SASH1: variants seen among roughly 807,000 people sequenced by gnomAD.
SASH1 encodes the protein SAM and SH3 domain containing 1.
A neutral mutation model predicts 125.2 loss-of-function variants in SASH1; 44 were observed. The observed-to-expected ratio is 0.35, with a 90% confidence interval of 0.28 to 0.45. The LOEUF (loss-of-function observed/expected upper bound fraction) is 0.45. Ranked by LOEUF, SASH1 falls within the 20% of genes least tolerant of loss-of-function variation. The pLI is 1.00. For synonymous variants in SASH1, 639 were observed against 649.1 expected (o/e 0.98, Z 0.24); for missense variants, 1,426 against 1,614.5 (o/e 0.88, Z 2.00).
chr6:148,205,484 T>C, the SASH1 span, among the ~76,000 whole-genome samples: 2 of 152,224 alleles, frequency 1.3e-5, no homozygotes, highest in Non-Finnish European at 2.9e-5. Flanking sequence ...CACTTCTGTG[T>C]TTCTTATCAT....
At chr6:148,350,349 A>ATT (rs1459717357) in intron 1 of SASH1, among the ~76,000 whole-genome samples, 6 of 152,218 alleles carry the variant, frequency 3.9e-5, no homozygotes, top group Admixed American at 1.3e-4. Context: ...AAATATTTGT[A>ATT]TACCTGTCTC....
At chr6:148,464,828 A>G (rs1238859732) in intron 4 of SASH1, among the ~76,000 whole-genome samples, 5 of 152,100 alleles carry the variant, frequency 3.3e-5, no homozygotes, top group African/African-American at 1.2e-4. Flanking sequence ...CTTATGAAAC[A>G]TGGGCTTGTT....
At chr6:148,232,589 C>A in the SASH1 span, among the ~76,000 whole-genome samples, 1 of 152,178 alleles carries the variant, frequency 6.6e-6, no homozygotes, top group African/African-American at 2.4e-5. Flanking sequence ...TGCAACTATG[C>A]AGAAGACAAT....
At chr6:148,322,732 G>GTCTC (rs773325585) in intron 1 of SASH1, among the ~76,000 whole-genome samples, 1 of 151,794 alleles carries the variant, frequency 6.6e-6, no homozygotes, top group Non-Finnish European at 1.5e-5. Context: ...TCTAGAACCA[G>GTCTC]TCTCTCTCTC....
intron 7 of SASH1, among the ~76,000 whole-genome samples, chr6:148,486,817 C>T (rs556731729): frequency 4.4e-4 from 65 of 147,272 alleles, no homozygotes; most frequent in African/African-American, 1.4e-3. Flanking sequence ...CCAAGCTACC[C>T]GGGATGCTGG....
chr6:148,334,761 G>A (rs1582979474), intron 1 of SASH1, among the ~76,000 whole-genome samples: 1 of 151,544 alleles, frequency 6.6e-6, no homozygotes, highest in African/African-American at 2.4e-5. Flanking sequence ...GCAGTGAGCC[G>A]AGATCGCACC....
At chr6:148,197,374 A>G in the SASH1 span, among the ~76,000 whole-genome samples, 1 of 152,204 alleles carries the variant, frequency 6.6e-6, no homozygotes, top group Non-Finnish European at 1.5e-5. Context: ...ACAACAGTCT[A>G]TTTTTGCTCA....
chr6:148,270,260 C>G (rs1779030595), upstream of SASH1, among the ~76,000 whole-genome samples: 2 of 152,220 alleles, frequency 1.3e-5, no homozygotes, highest in Non-Finnish European at 2.9e-5. Context: ...TAAGCCGGTG[C>G]TCTTTTACCA....
intron 2 of SASH1, among the ~76,000 whole-genome samples, chr6:148,436,821 G>T (rs1197191087): frequency 2.0e-5 from 3 of 152,224 alleles, no homozygotes; most frequent in African/African-American, 7.2e-5. Context: ...AACATCATAA[G>T]GTGCTTGTTG....
At chr6:148,358,343 C>T (rs1023304432) in intron 1 of SASH1, among the ~76,000 whole-genome samples, 3 of 152,170 alleles carry the variant, frequency 2.0e-5, no homozygotes, top group Non-Finnish European at 2.9e-5. Context: ...TTGAATCTTG[C>T]ATTTGCTGGT....
At chr6:148,545,231 G>T (rs1346683945) in intron 18 of SASH1, among the ~76,000 whole-genome samples, 1 of 152,088 alleles carries the variant, frequency 6.6e-6, no homozygotes, top group African/African-American at 2.4e-5. Context: ...CAAAAAAAAT[G>T]AGATCTACCA....
At chr6:148,408,775 G>A (rs1032107695) in intron 2 of SASH1, among the ~76,000 whole-genome samples, 2 of 152,108 alleles carry the variant, frequency 1.3e-5, no homozygotes, top group African/African-American at 4.8e-5. Context: ...TCACTATGTT[G>A]TCTTGTAAGA....
intron 9 of SASH1, among the ~76,000 whole-genome samples, chr6:148,517,089 T>G (rs1043706160): frequency 2.6e-5 from 4 of 152,174 alleles, no homozygotes; most frequent in Non-Finnish European, 4.4e-5. Context: ...GAATCGCCAG[T>G]TTTGTAGAAA....
At chr6:148,442,200 A>C (rs933581858) in intron 4 of SASH1, among the ~76,000 whole-genome samples, 3 of 152,050 alleles carry the variant, frequency 2.0e-5, no homozygotes, top group Non-Finnish European at 4.4e-5. Flanking sequence ...CAGCCTGGGC[A>C]ACATAGTAAG....
intron 8 of SASH1, among the ~76,000 whole-genome samples, chr6:148,499,786 A>G (rs1475373403): frequency 6.6e-6 from 1 of 152,182 alleles, no homozygotes; most frequent in African/African-American, 2.4e-5. Context: ...AAGTAATATG[A>G]AGCATTTCTC....
chr6:148,487,017 T>G (rs1346315328), intron 7 of SASH1, among the ~76,000 whole-genome samples: 1 of 108,812 alleles, frequency 9.2e-6, no homozygotes, highest in Non-Finnish European at 2.0e-5. Flanking sequence ...ATATATGTTT[T>G]TATATATATA....
intron 1 of SASH1, among the ~76,000 whole-genome samples, chr6:148,357,327 G>A (rs541382529): frequency 3.4e-4 from 51 of 152,182 alleles, no homozygotes; most frequent in African/African-American, 1.2e-3. Flanking sequence ...GCTGACTTTG[G>A]CTTCTGCAGA....
the SASH1 span, among the ~76,000 whole-genome samples, chr6:148,215,841 TTTTATTTATTTATTTTA>T: frequency 6.6e-6 from 1 of 151,954 alleles, no homozygotes; most frequent in Non-Finnish European, 1.5e-5. Context: ...ATATCTACTT[TTTTATTTATTTATTTTA>T]TTTATTTATT....
chr6:148,513,721 C>G (rs1362477182), intron 8 of SASH1: 1 of 985,984 alleles, frequency 1.0e-6, no homozygotes, highest in South Asian at 4.7e-5. Context: ...GGTCTGTCCT[C>G]ACATTCGCCT....
Sources: allele counts gnomAD v4.1 joint callset (sites outside exome capture counted in the v4.1 genomes callset), GRCh38; gene constraint gnomAD v4.1.1; transcripts MANE v1.5; gene names NCBI Gene and HGNC (gene_info 2026-07-23, HGNC 2026-07-21).